The following RSPO1 variants were observed in gnomAD, a reference collection of about 807,000 sequenced individuals.
RSPO1 encodes the protein R-spondin-1.
In RSPO1, 18 loss-of-function variants were observed where a neutral mutation model predicts 26.0. That is an observed-to-expected ratio of 0.69 (90% CI 0.48 to 1.03). The LOEUF is 1.03. RSPO1 is among the 50% of genes least tolerant of loss of function. The probability of loss-of-function intolerance (pLI) is 0.00; values close to 1 mark genes in which losing one functional copy is unlikely to be tolerated. For missense variants in RSPO1, 309 were observed against 352.3 expected (o/e 0.88, Z 0.98); for synonymous variants, 133 against 137.4 (o/e 0.97, Z 0.22).
intron 3 of RSPO1, among the ~76,000 whole-genome samples, chr1:37,627,521 A>T (rs1370335022): frequency 6.6e-6 from 1 of 152,034 alleles, no homozygotes; most frequent in Non-Finnish European, 1.5e-5. Context: ...ATGGTGACAC[A>T]TGCCTGTAAT....
At chr1:37,617,044 T>TA (rs1422120367) in intron 3 of RSPO1, among the ~76,000 whole-genome samples, 2 of 152,348 alleles carry the variant, frequency 1.3e-5, no homozygotes, top group African/African-American at 4.8e-5. Context: ...GAGGGTTTCT[T>TA]AAATTTCTGA....
At chr1:37,618,694 A>T (rs1644154601) in intron 3 of RSPO1, among the ~76,000 whole-genome samples, 1 of 152,242 alleles carries the variant, frequency 6.6e-6, no homozygotes, top group Non-Finnish European at 1.5e-5. Context: ...GAGAGGAAAG[A>T]GGCATGGGGA....
At chr1:37,633,904 A>G (rs1644398470) in intron 1 of RSPO1, among the ~76,000 whole-genome samples, 1 of 152,240 alleles carries the variant, frequency 6.6e-6, no homozygotes, top group Non-Finnish European at 1.5e-5. Context: ...CTGGCCCTCA[A>G]GAGCCAAGAG....
intron 3 of RSPO1, among the ~76,000 whole-genome samples, chr1:37,619,762 TC>T (rs1478412397): frequency 5.6e-4 from 84 of 151,132 alleles, no homozygotes; most frequent in African/African-American, 1.9e-3. Flanking sequence ...TTTTTTTTTT[TC>T]TTTTGAGACA....
At chr1:37,614,082 C>T in intron 5 of RSPO1, 102 bp downstream of exon 5, 1 of 1,420,490 alleles carries the variant, frequency 7.0e-7, no homozygotes. Context: ...GTAAGCTCTC[C>T]CTGCACAGTG....
At chr1:37,618,306 C>T (rs899389343) in intron 3 of RSPO1, among the ~76,000 whole-genome samples, 3 of 152,190 alleles carry the variant, frequency 2.0e-5, no homozygotes, top group Non-Finnish European at 2.9e-5. Context: ...TTCTTTACTG[C>T]AGGCCTAATG....
At chr1:37,624,876 C>G (rs1472829910) in intron 3 of RSPO1, among the ~76,000 whole-genome samples, 1 of 152,222 alleles carries the variant, frequency 6.6e-6, no homozygotes, top group African/African-American at 2.4e-5. Context: ...CCTTACCCCT[C>G]AGCACCACTC....
chr1:37,631,938 T>C (rs1021287305), intron 2 of RSPO1: 2 of 152,234 alleles, frequency 1.3e-5, no homozygotes, highest in Non-Finnish European at 2.9e-5. Flanking sequence ...AGTGATAGGA[T>C]TTGCCTTTAA....
chr1:37,612,890 C>T lies in RSPO1; in HGVS notation c.657G>A (p.Arg219=), dbSNP rs769657393. The T allele has an allele frequency of 8.1e-6, 13 of 1,613,988 alleles. No homozygotes were observed. The Admixed American group carries it at 2.2e-4, about 27-fold the overall frequency. Residue 219 remains arginine (R), a synonymous_variant, in exon 7 of 7, where the codon CGG becomes CGA. Coordinates refer to ENST00000356545, the MANE Select transcript of RSPO1 (RefSeq NM_001242908.2). ...GQKRRKGGQG[R]RENANRNLAR... ...CCAGGTTCCTGTTGGCATTCTCCCG[C>T]CGGCCCTGGCCTCCCTTCCTCCTCT...
At chr1:37,621,200 C>T (rs893912189) in intron 3 of RSPO1, among the ~76,000 whole-genome samples, 5 of 151,994 alleles carry the variant, frequency 3.3e-5, no homozygotes, top group Admixed American at 6.6e-5. Context: ...AGTGATGAGG[C>T]GGGAAGTTGG....
At chr1:37,617,163 G>T (rs781101422) in intron 3 of RSPO1, among the ~76,000 whole-genome samples, 4 of 152,208 alleles carry the variant, frequency 2.6e-5, no homozygotes, top group Non-Finnish European at 5.9e-5. Flanking sequence ...GTCTCAACCA[G>T]GGATGATTTT....
At chr1:37,627,243 C>T (rs1402212638) in intron 3 of RSPO1, among the ~76,000 whole-genome samples, 1 of 152,100 alleles carries the variant, frequency 6.6e-6, no homozygotes, top group Non-Finnish European at 1.5e-5. Flanking sequence ...CCACGCTTGT[C>T]TTATCGAGAG....
intron 3 of RSPO1, among the ~76,000 whole-genome samples, chr1:37,617,684 A>G (rs1644137320): frequency 6.6e-6 from 1 of 150,584 alleles, no homozygotes; most frequent in East Asian, 1.9e-4. Flanking sequence ...AAAAAAAAAA[A>G]AAAAAGAGAG....
chr1:37,617,226 T>C (rs1644127937), intron 3 of RSPO1, among the ~76,000 whole-genome samples: 1 of 152,122 alleles, frequency 6.6e-6, no homozygotes. Context: ...TGATCACACC[T>C]GGGGAAAGGG....
chr1:37,623,913 C>A (rs1644240189), intron 3 of RSPO1, among the ~76,000 whole-genome samples: 1 of 151,836 alleles, frequency 6.6e-6, no homozygotes, highest in Non-Finnish European at 1.5e-5. Context: ...GCATGCACCA[C>A]CACACCCAGC....
intron 3 of RSPO1, among the ~76,000 whole-genome samples, chr1:37,623,608 A>T (rs1465474694): frequency 6.6e-6 from 1 of 151,896 alleles, no homozygotes; most frequent in Admixed American, 6.6e-5. Flanking sequence ...ATAGGGCTTT[A>T]TATAGCACGT....
intron 3 of RSPO1, among the ~76,000 whole-genome samples, chr1:37,623,059 G>A (rs749229533): frequency 3.3e-5 from 5 of 152,096 alleles, no homozygotes; most frequent in Non-Finnish European, 5.9e-5. Flanking sequence ...GCTGGCCTTG[G>A]TTAGGAGGAG....
In RSPO1 at chr1:37,614,129, G is replaced by A. The variant is rs555926112; in HGVS notation, c.436+55C>T. Reference sequence around the variant, plus strand: ...CCGCTCTCTTGCCAGACCCTTACCCGGCCCCTCCTTCTGGGGTCCTGGACC... The same window carrying A: ...CCGCTCTCTTGCCAGACCCTTACCCAGCCCCTCCTTCTGGGGTCCTGGACC... On this transcript the variant is annotated intron_variant, in intron 5 of 6. Coordinates refer to ENST00000356545, the MANE Select transcript of RSPO1 (RefSeq NM_001242908.2). The A allele has an allele frequency of 2.6e-5, 42 of 1,593,358 alleles. 1 individual carries two copies. In the East Asian group the frequency reaches 3.6e-4, roughly 14 times the overall value.
intron 1 of RSPO1, among the ~76,000 whole-genome samples, chr1:37,633,205 C>G (rs11264076): frequency 0.17 from 25,235 of 152,296 alleles, 2,472 homozygotes; most frequent in East Asian, 0.31. Flanking sequence ...CCAGGGGTTA[C>G]AGACCCAGTT....
Sources: gnomAD v4.1 joint callset for allele counts (sites outside exome capture counted in the v4.1 genomes callset) on GRCh38, gnomAD v4.1.1 for gene constraint, MANE v1.5 for transcripts, NCBI Gene and HGNC (gene_info 2026-07-23, HGNC 2026-07-21) for gene names.